CSMD1: variants seen among roughly 807,000 people sequenced by gnomAD.
CSMD1 encodes CUB and sushi domain-containing protein 1.
In CSMD1, 213 loss-of-function variants were observed where a neutral mutation model predicts 417.5. The ratio of observed to expected loss-of-function variants is 0.51; its 90% CI spans 0.46 to 0.57. The LOEUF (loss-of-function observed/expected upper bound fraction) is 0.57, where lower values mean the gene tolerates loss of function less well. Ranked by LOEUF, CSMD1 falls within the 20% of genes least tolerant of loss-of-function variation. The pLI is 0.00. For synonymous variants in CSMD1, 2,862 were observed against 1,736.8 expected, an observed-to-expected ratio of 1.65 and a Z score of -16.11; for missense variants, 6,923 against 4,529.7, an observed-to-expected ratio of 1.53 and a Z score of -15.17.
chr8:4,161,718 C>A (rs891717115), intron 3 of CSMD1, among the ~76,000 whole-genome samples: 1 of 152,096 alleles, frequency 6.6e-6, no homozygotes, highest in African/African-American at 2.4e-5. Flanking sequence ...ATAAGAAAAC[C>A]ATTGCTGCCA....
chr8:3,683,601 C>G (rs982611405), intron 7 of CSMD1, among the ~76,000 whole-genome samples: 1 of 152,110 alleles, frequency 6.6e-6, no homozygotes, highest in African/African-American at 2.4e-5. Flanking sequence ...GAATATCATT[C>G]TTCTGCCAGG....
At chr8:4,812,137 G>C (rs1331699215) in intron 1 of CSMD1, among the ~76,000 whole-genome samples, 1 of 152,108 alleles carries the variant, frequency 6.6e-6, no homozygotes, top group Non-Finnish European at 1.5e-5. Context: ...AACCAATTAT[G>C]CCCTTCTGTG....
At chr8:4,898,317 T>C (rs1273563985) in intron 1 of CSMD1, among the ~76,000 whole-genome samples, 1 of 152,142 alleles carries the variant, frequency 6.6e-6, no homozygotes, top group African/African-American at 2.4e-5. Flanking sequence ...CCTGTCATCT[T>C]TGACAGGGTC....
chr8:4,342,923 A>G (rs1800563198), intron 3 of CSMD1, among the ~76,000 whole-genome samples: 2 of 152,102 alleles, frequency 1.3e-5, no homozygotes, highest in African/African-American at 4.8e-5. Flanking sequence ...ATTCCAAGAT[A>G]TGCTGCACAC....
chr8:3,815,624 T>G (rs947700103), intron 5 of CSMD1, among the ~76,000 whole-genome samples: 1 of 56,192 alleles, frequency 1.8e-5, no homozygotes, highest in East Asian at 4.6e-4. Flanking sequence ...CTGCTAGACT[T>G]TCTTTTTTTT....
intron 2 of CSMD1, among the ~76,000 whole-genome samples, chr8:4,571,644 G>A (rs1321616932): frequency 6.6e-6 from 1 of 152,062 alleles, no homozygotes; most frequent in East Asian, 1.9e-4. Context: ...CAGTTCTATA[G>A]ATGTACTAGG....
Position 4,820,125 on chromosome 8 carries a change from C to G in CSMD1, c.85+174207G>C, listed in dbSNP as rs115267810. Among the ~76,000 whole-genome samples, 819 of 152,242 alleles carry G rather than the reference C, an allele frequency of 5.4e-3. 3 individuals are homozygous for G. Among genetic ancestry groups the G allele is most frequent in the African/African-American group, 0.018 (749 of 41,530 alleles). On this transcript the variant is annotated intron_variant, in intron 1 of 69. Transcript: ENST00000635120. ...AGGCAAATCTGAGCTGGGACAGAGG[C>G]TAGAATTCTTGCACCACCTCTCTGT...
At chr8:3,402,017 T>C (rs572002310) in intron 15 of CSMD1, among the ~76,000 whole-genome samples, 9 of 151,870 alleles carry the variant, frequency 5.9e-5, no homozygotes, top group African/African-American at 2.2e-4. Context: ...ATTTCTAAAA[T>C]ACACACACAC....
chr8:4,181,884 T>C (rs1163170707), intron 3 of CSMD1, among the ~76,000 whole-genome samples: 1 of 152,150 alleles, frequency 6.6e-6, no homozygotes, highest in African/African-American at 2.4e-5. Flanking sequence ...TATAACATGA[T>C]TTCACAGTGA....
chr8:3,594,531 A>C (rs754969975), intron 8 of CSMD1, among the ~76,000 whole-genome samples: 1 of 152,158 alleles, frequency 6.6e-6, no homozygotes, highest in Non-Finnish European at 1.5e-5. Flanking sequence ...TTGTCCAGGA[A>C]TGTTTTTCAA....
intron 12 of CSMD1, among the ~76,000 whole-genome samples, chr8:3,414,969 C>A (rs1813039596): frequency 2.0e-5 from 3 of 152,134 alleles, no homozygotes; most frequent in African/African-American, 4.8e-5. Context: ...ACTTTTTGTG[C>A]TTTACTGTAA....
intron 1 of CSMD1, among the ~76,000 whole-genome samples, chr8:4,823,151 T>G (rs1044257624): frequency 1.3e-5 from 2 of 152,116 alleles, no homozygotes; most frequent in African/African-American, 2.4e-5. Flanking sequence ...TATGCAGCAA[T>G]CGTCACAACT....
At chr8:4,808,208 T>C (rs1206694290) in intron 1 of CSMD1, among the ~76,000 whole-genome samples, 1 of 152,174 alleles carries the variant, frequency 6.6e-6, no homozygotes, top group Non-Finnish European at 1.5e-5. Flanking sequence ...CCAGCACCAG[T>C]CGGTCAGCAG....
At chr8:3,869,793 T>C (rs1805357452) in intron 5 of CSMD1, among the ~76,000 whole-genome samples, 1 of 152,096 alleles carries the variant, frequency 6.6e-6, no homozygotes, top group Non-Finnish European at 1.5e-5. Context: ...GAAGGCAAGA[T>C]GGGAGCTTGC....
chr8:3,984,696 GTATATATCATATATATATATATA>G (rs1378102388), intron 5 of CSMD1, among the ~76,000 whole-genome samples: 14 of 119,906 alleles, frequency 1.2e-4, no homozygotes, highest in African/African-American at 4.1e-4. Flanking sequence ...AGGATTCAGT[GTATATATCATATATATATATATA>G]TATATATATA....
chr8:3,926,826 C>T (rs1023105731), intron 5 of CSMD1, among the ~76,000 whole-genome samples: 1 of 150,662 alleles, frequency 6.6e-6, no homozygotes, highest in East Asian at 2.0e-4. Flanking sequence ...AGCAATTCCC[C>T]TGCCTCAGAC....
chr8:4,042,098 G>T lies in CSMD1; in HGVS notation c.416-9999C>A, dbSNP rs565023717. 2.6e-5 allele frequency among the ~76,000 whole-genome samples: 4 copies of T among 151,962 alleles called. No homozygotes were observed. In the East Asian group the frequency reaches 7.7e-4, roughly 29 times the overall value. On this transcript the variant is annotated intron_variant, in intron 3 of 69. Coordinates refer to ENST00000635120, the MANE Select transcript of CSMD1 (RefSeq NM_033225.6). ...ACTGAAGGCAGGGAACACAAAGAGGGACAGAAAAAAAGAAGAAAAGGAAAC... is the reference window on the plus strand; with the variant it reads ...ACTGAAGGCAGGGAACACAAAGAGGTACAGAAAAAAAGAAGAAAAGGAAAC...
intron 26 of CSMD1, among the ~76,000 whole-genome samples, chr8:3,246,442 T>A (rs922042775): frequency 1.2e-4 from 18 of 152,174 alleles, no homozygotes; most frequent in African/African-American, 4.3e-4. Context: ...CTATTCTCTG[T>A]TCACCCCCAT....
chr8:3,425,608 GA>G (rs1163717897), intron 12 of CSMD1, among the ~76,000 whole-genome samples: 6 of 141,976 alleles, frequency 4.2e-5, no homozygotes, highest in African/African-American at 7.8e-5. Flanking sequence ...AAAAAAAGAA[GA>G]AAGAAAAAAG....
Sources: gnomAD v4.1 joint callset for allele counts (sites outside exome capture counted in the v4.1 genomes callset) on GRCh38, gnomAD v4.1.1 for gene constraint, MANE v1.5 for transcripts, NCBI Gene and HGNC (gene_info 2026-07-23, HGNC 2026-07-21) for gene names.